PPHLN1: variants seen among roughly 807,000 people sequenced by gnomAD.
The protein encoded by PPHLN1 is periphilin-1.
In PPHLN1, 29 loss-of-function variants were observed where a neutral mutation model predicts 51.3. That is an observed-to-expected ratio of 0.57 (90% confidence interval 0.42 to 0.77). The LOEUF (loss-of-function observed/expected upper bound fraction) is 0.77, where lower values mean the gene tolerates loss of function less well. Ranked by LOEUF, PPHLN1 falls within the 30% of genes least tolerant of loss-of-function variation. PPHLN1 has a pLI of 0.00. For synonymous variants in PPHLN1, 147 were observed against 147.8 expected, an observed-to-expected ratio of 0.99 and a Z score of 0.04; for missense variants, 436 against 438.4, an observed-to-expected ratio of 0.99 and a Z score of 0.05.
chr12:42,426,170 C>T (rs2081436955), intron 9 of PPHLN1, among the ~76,000 whole-genome samples: 1 of 105,928 alleles, frequency 9.4e-6, no homozygotes, highest in Admixed American at 9.7e-5. Context: ...TTAGACTTGA[C>T]ACCACACACA....
intron 2 of PPHLN1, among the ~76,000 whole-genome samples, chr12:42,348,818 G>GTTTC (rs1555184100): frequency 1.4e-5 from 2 of 140,496 alleles, no homozygotes; most frequent in Admixed American, 7.3e-5. Context: ...CTTAATGTCA[G>GTTTC]TTTTTTTTTT....
At chr12:42,425,414 T>C (rs1425182503) in intron 9 of PPHLN1, among the ~76,000 whole-genome samples, 2 of 146,522 alleles carry the variant, frequency 1.4e-5, no homozygotes, top group South Asian at 2.2e-4. Flanking sequence ...TGAGATGGAG[T>C]CTTGCTCTGT....
chr12:42,345,619 ATATT>A (rs1174822831), intron 2 of PPHLN1, among the ~76,000 whole-genome samples: 15 of 150,588 alleles, frequency 1.0e-4, no homozygotes, highest in African/African-American at 1.9e-4. Context: ...ATGTAGATAT[ATATT>A]AATATTTATA....
chr12:42,446,358 T>A, downstream of PPHLN1: 1 of 1,508,028 alleles, frequency 6.6e-7, no homozygotes, highest in Non-Finnish European at 8.8e-7. Context: ...TAAGCCCATT[T>A]TCTAAATCTG....
intron 1 of PPHLN1, among the ~76,000 whole-genome samples, chr12:42,328,559 C>CT (rs999135724): frequency 5.3e-5 from 8 of 152,116 alleles, no homozygotes; most frequent in African/African-American, 1.9e-4. Context: ...TTTTTGTTTA[C>CT]TTGTGTAATT....
chr12:42,337,316 T>A (rs2070811551), intron 2 of PPHLN1, among the ~76,000 whole-genome samples: 1 of 150,160 alleles, frequency 6.7e-6, no homozygotes, highest in Non-Finnish European at 1.5e-5. Flanking sequence ...TCAGCTGGAG[T>A]GCAATGGCGC....
intron 4 of PPHLN1, 48 bp downstream of exon 4, chr12:42,355,270 T>C (rs17091102): frequency 0.16 from 231,755 of 1,487,462 alleles, 18,554 homozygotes; most frequent in Admixed American, 0.22. Context: ...CTTGACTCAC[T>C]GTGATGTCTG....
chr12:42,416,863 AATAG>A (rs1485418511), intron 9 of PPHLN1, among the ~76,000 whole-genome samples: 1 of 152,238 alleles, frequency 6.6e-6, no homozygotes, highest in Non-Finnish European at 1.5e-5. Context: ...GAATAAAGAT[AATAG>A]ATAGCAATGC....
At chr12:42,439,145 T>C (rs527921912) in intron 9 of PPHLN1, among the ~76,000 whole-genome samples, 1 of 152,352 alleles carries the variant, frequency 6.6e-6, no homozygotes, top group South Asian at 2.1e-4. Context: ...TTTCCTCTGT[T>C]ATCTTCTGTA....
At position 42,329,352 on chromosome 12, in the gene PPHLN1, C is replaced by G. The variant is rs193270044; in HGVS notation, c.-21+3123C>G. On this transcript the variant is annotated intron_variant, in intron 1 of 9. Transcript: ENST00000358314. ...GATCTCCTGACTTCGTGATCCGCCC[C>G]CCTCGGCCTCCCAAAGTGCTGGGAT... Among the ~76,000 whole-genome samples, 15 of 151,864 alleles carry G rather than the reference C, an allele frequency of 9.9e-5. No individual in the cohort carries two copies. In the East Asian group the frequency reaches 1.4e-3, roughly 14 times the overall value.
chr12:42,426,425 TAAG>T (rs758718378), intron 9 of PPHLN1, among the ~76,000 whole-genome samples: 10 of 152,170 alleles, frequency 6.6e-5, no homozygotes, highest in Non-Finnish European at 1.2e-4. Context: ...AGCAGTATGA[TAAG>T]GAGTGAATTT....
intron 9 of PPHLN1, among the ~76,000 whole-genome samples, chr12:42,431,427 C>A (rs532175163): frequency 4.8e-4 from 73 of 152,110 alleles, no homozygotes; most frequent in African/African-American, 1.7e-3. Flanking sequence ...TAGCCAGCAA[C>A]TTTTTTTTAA....
rs71084642 is a variant in PPHLN1, at chr12:42,360,458, C to CTTTTTTTTTTTTTTTTTTTTTTT, written c.299+5243_299+5265dup. 1.2e-4 allele frequency among the ~76,000 whole-genome samples: 7 copies of CTTTTTTTTTTTTTTTTTTTTTTT among 56,292 alleles called. 1 individual carries two copies. Among genetic ancestry groups the CTTTTTTTTTTTTTTTTTTTTTTT allele is most frequent in the Admixed American group, 2.6e-4 (1 of 3,902 alleles). The allele number at this position is 56,292 out of a possible 152,430, so 36.9% of individuals were successfully genotyped here. A position where few individuals can be genotyped will look rare whatever the true frequency, so the allele number is the denominator to read the frequency against. The stretch of plus-strand genomic sequence containing the variant: ...ACAGTTCCTGAAGTGATGCTGAATT[C>CTTTTTTTTTTTTTTTTTTTTTTT]TTTTTTTTTTTTTTTTTTTTTTTTT... On this transcript the variant is annotated intron_variant, in intron 4 of 9. Coordinates refer to ENST00000358314, the MANE Select transcript of PPHLN1 (RefSeq NM_201439.2).
downstream of PPHLN1, chr12:42,448,583 T>A (rs2083391456): frequency 6.6e-6 from 1 of 152,210 alleles, no homozygotes; most frequent in South Asian, 2.1e-4. Flanking sequence ...AAGCTTTTTG[T>A]GAATTAAAAG....
chr12:42,446,008 T>C, downstream of PPHLN1: 1 of 1,540,762 alleles, frequency 6.5e-7, no homozygotes, highest in Non-Finnish European at 8.8e-7. Context: ...CATCAAACCA[T>C]ACCATAGTGG....
At chr12:42,433,916 G>A (rs1177079278) in intron 9 of PPHLN1, among the ~76,000 whole-genome samples, 1 of 152,110 alleles carries the variant, frequency 6.6e-6, no homozygotes, top group East Asian at 1.9e-4. Flanking sequence ...ATAACATGTT[G>A]TAAACCTTAA....
intron 2 of PPHLN1, among the ~76,000 whole-genome samples, chr12:42,348,389 T>A (rs1158190402): frequency 6.6e-6 from 1 of 150,804 alleles, no homozygotes; most frequent in African/African-American, 2.4e-5. Context: ...CCCAAAGTGC[T>A]AGGATTACAG....
At chr12:42,423,659 GT>G (rs1189333124) in intron 9 of PPHLN1, among the ~76,000 whole-genome samples, 2 of 150,776 alleles carry the variant, frequency 1.3e-5, no homozygotes, top group African/African-American at 4.8e-5. Flanking sequence ...ATTAGTAATT[GT>G]TTAGCTTTTA....
At position 42,351,978 on chromosome 12, in the gene PPHLN1, G is replaced by A; in HGVS notation, c.166G>A (p.Val56Ile). Residue 56 changes from valine (V) to isoleucine (I), a missense_variant, in exon 3 of 10, where the codon GTT (valine) becomes ATT (isoleucine). By Grantham distance (29) the Val-to-Ile change is conservative (BLOSUM62 3). Transcript: ENST00000358314. The stretch of plus-strand genomic sequence containing the variant: ...AAGCTACAATAGATATTACAGTCAT[G>A]TTGATTACCGAGACTATGACGAGGG... Reference protein sequence around the residue: ...EGSYNRYYSHVDYRDYDEGRS... With the variant: ...EGSYNRYYSHIDYRDYDEGRS... 1 of 1,577,430 alleles carries A rather than the reference G, an allele frequency of 6.3e-7. No individual in the cohort carries two copies.
Sources: gnomAD v4.1 joint callset for allele counts (sites outside exome capture counted in the v4.1 genomes callset) on GRCh38, gnomAD v4.1.1 for gene constraint, MANE v1.5 for transcripts, NCBI Gene and HGNC (gene_info 2026-07-23, HGNC 2026-07-21) for gene names.